SOAT1: variants seen among roughly 807,000 people sequenced by gnomAD.
SOAT1 encodes sterol O-acyltransferase 1.
SOAT1 carries 55 observed loss-of-function variants against 69.5 expected under a neutral mutation model. The observed-to-expected ratio is 0.79, with a 90% CI of 0.64 to 0.99. The LOEUF (loss-of-function observed/expected upper bound fraction) is 0.99. Among genes scored for constraint, SOAT1 ranks in the 50% least tolerant of loss-of-function variants. The probability of loss-of-function intolerance (pLI) is 0.00; values close to 1 mark genes in which losing one functional copy is unlikely to be tolerated. For missense variants in SOAT1, 580 were observed against 669.3 expected (o/e 0.87, Z 1.47); for synonymous variants, 231 against 224.7 (o/e 1.03, Z -0.25).
intron 3 of SOAT1, among the ~76,000 whole-genome samples, chr1:179,331,786 G>T (rs893831102): frequency 2.6e-5 from 4 of 152,250 alleles, no homozygotes; most frequent in Admixed American, 6.5e-5. Flanking sequence ...TCAATTTAGT[G>T]TAAGTCCTAA....
rs555691278 is a variant in SOAT1, at chr1:179,344,175, G to A, written c.987+540G>A. ...TAATTCTAATTGGTTATTTCAGTAA[G>A]CATTAATTTCCCCCTTCCTTCCTGT... On this transcript the variant is annotated intron_variant, in intron 10 of 15. Transcript: ENST00000367619. Among the ~76,000 whole-genome samples, 5 of 151,958 alleles carry A rather than the reference G, an allele frequency of 3.3e-5. No homozygotes were observed. The South Asian group carries it at 1.0e-3, about 32-fold the overall frequency.
intron 1 of SOAT1, among the ~76,000 whole-genome samples, chr1:179,300,111 G>C (rs897091199): frequency 6.6e-6 from 1 of 151,340 alleles, no homozygotes; most frequent in Non-Finnish European, 1.5e-5. Flanking sequence ...CTCTTTAAAA[G>C]AGTATCTACT....
At chr1:179,323,557 A>G in intron 3 of SOAT1, 62 bp downstream of exon 3, 1 of 1,361,932 alleles carries the variant, frequency 7.3e-7, no homozygotes, top group Non-Finnish European at 1.0e-6. Context: ...TTGTTTGGTA[A>G]CATTTTTAAT....
In SOAT1 at chr1:179,358,181, G is replaced by T. The variant is rs924619354; in HGVS notation, c.*4540G>T. The T allele has an allele frequency of 6.6e-6, 1 of 152,226 alleles. No homozygotes were observed. The highest frequency in any genetic ancestry group is 1.5e-5 in the Non-Finnish European group (1 of 68,010). 9.4% of individuals were successfully genotyped at this position (152,226 alleles called of 1,614,324 possible). A position where few individuals can be genotyped will look rare whatever the true frequency, so the allele number is the denominator to read the frequency against. On this transcript the variant is annotated 3_prime_UTR_variant, in exon 16 of 16. Transcript: ENST00000367619. ...TAGCTAATTTGGACTTCAGAAAATG[G>T]GTTAATTTCACGAGTGCATATCACT... is the stretch of plus-strand genomic sequence containing the variant.
chr1:179,345,403 A>C (rs1666493606), intron 11 of SOAT1, among the ~76,000 whole-genome samples: 1 of 152,162 alleles, frequency 6.6e-6, no homozygotes, highest in African/African-American at 2.4e-5. Flanking sequence ...CCTTGTTGAA[A>C]TTACTAGTAA....
chr1:179,320,782 C>G (rs1265026517), intron 2 of SOAT1, among the ~76,000 whole-genome samples: 1 of 152,088 alleles, frequency 6.6e-6, no homozygotes, highest in Non-Finnish European at 1.5e-5. Context: ...GTTGCTCAAG[C>G]TGGAGTGCAG....
Position 179,348,907 on chromosome 1 carries a change from T to TAGCC in SOAT1, c.1279_1280insAGCC (p.Trp427Ter). The stretch of plus-strand genomic sequence containing the variant: ...AACCTGGAATGTGGTGGTCCATGAC[T>TAGCC]GGCTATATTACTATGCTTACAAGGA... On this transcript the variant is annotated stop_gained and frameshift_variant, in exon 13 of 16. Coordinates refer to ENST00000367619, the MANE Select transcript of SOAT1 (RefSeq NM_003101.6). LOFTEE classifies it high-confidence loss of function. The TAGCC allele has an allele frequency of 6.2e-7, 1 of 1,609,562 alleles. No individual in the cohort carries two copies. Among genetic ancestry groups the TAGCC allele is most frequent in the African/African-American group, 1.3e-5 (1 of 74,880 alleles).
chr1:179,321,337 TA>T (rs1181713570), intron 2 of SOAT1, among the ~76,000 whole-genome samples: 4 of 152,148 alleles, frequency 2.6e-5, no homozygotes, highest in Admixed American at 2.6e-4. Flanking sequence ...ATTGTATTTT[TA>T]AAAACATTTA....
At chr1:179,298,877 T>G in intron 1 of SOAT1, among the ~76,000 whole-genome samples, 1 of 152,316 alleles carries the variant, frequency 6.6e-6, no homozygotes, top group African/African-American at 2.4e-5. Context: ...AATTTTAAAT[T>G]GAACCATCAT....
At chr1:179,344,840 G>T in intron 10 of SOAT1, 107 bp from the exon 11 acceptor site, 1 of 1,025,238 alleles carries the variant, frequency 9.8e-7, no homozygotes, top group South Asian at 1.4e-5. Flanking sequence ...ATACATATGC[G>T]AACATTACTG....
At chr1:179,298,339 C>T (rs2484443) in intron 1 of SOAT1, among the ~76,000 whole-genome samples, 41,746 of 151,976 alleles carry the variant, frequency 0.27, 6,075 homozygotes, top group African/African-American at 0.36. Flanking sequence ...CTGCCCACCT[C>T]GGCCTCCCAA....
At chr1:179,314,239 C>T (rs1558041462) in intron 2 of SOAT1, among the ~76,000 whole-genome samples, 2 of 152,210 alleles carry the variant, frequency 1.3e-5, no homozygotes, top group East Asian at 3.9e-4. Context: ...TCCTGAGATC[C>T]TGAAGGGAGG....
At position 179,302,806 on chromosome 1, in the gene SOAT1, A is replaced by T. The variant is rs774426842; in HGVS notation, c.118+4A>T. 3 of 1,534,550 alleles carry T rather than the reference A, an allele frequency of 2.0e-6. No homozygotes were observed. The South Asian group carries it at 3.7e-5, about 19-fold the overall frequency. Reference sequence around the variant, plus strand: ...TCCCTAGAGACACCTAGTAATGGTGAGGCTTAATTTTTTTTTTTTAGGTGA... The same window carrying T: ...TCCCTAGAGACACCTAGTAATGGTGTGGCTTAATTTTTTTTTTTTAGGTGA... On this transcript the variant is annotated splice_donor_region_variant and intron_variant, in intron 2 of 15. Transcript: ENST00000367619.
intron 2 of SOAT1, among the ~76,000 whole-genome samples, chr1:179,307,194 A>G (rs1571407934): frequency 6.6e-6 from 1 of 152,316 alleles, no homozygotes; most frequent in East Asian, 1.9e-4. Flanking sequence ...TGCCACTTGT[A>G]ATCCTCATCA....
chr1:179,318,665 G>C (rs1665482155), intron 2 of SOAT1, among the ~76,000 whole-genome samples: 1 of 152,102 alleles, frequency 6.6e-6, no homozygotes, highest in Non-Finnish European at 1.5e-5. Context: ...CGTTTTGTCT[G>C]TCTCAGTAGT....
rs114016051 is a variant in SOAT1 at position 179,300,440 on chromosome 1, C to T, written c.-8-2237C>T. On this transcript the variant is annotated intron_variant, in intron 1 of 15. Coordinates refer to ENST00000367619, the MANE Select transcript of SOAT1 (RefSeq NM_003101.6). Reference sequence around the variant, plus strand: ...TTAGCCCTGACTTTTCCCTTAAGTTCCTCTTAATTAGATCTTATGATATCA... The same window carrying T: ...TTAGCCCTGACTTTTCCCTTAAGTTTCTCTTAATTAGATCTTATGATATCA... Among the ~76,000 whole-genome samples, 269 of 152,260 alleles carry T rather than the reference C, an allele frequency of 1.8e-3. 1 individual carries two copies. The highest frequency in any genetic ancestry group is 5.8e-3 in the African/African-American group (240 of 41,550).
intron 5 of SOAT1, 133 bp from the exon 6 acceptor site, chr1:179,339,305 T>A: frequency 2.0e-6 from 1 of 504,910 alleles, no homozygotes; most frequent in Non-Finnish European, 3.4e-6. Context: ...ACCATTCTTT[T>A]TTGAGATGTT....
chr1:179,349,329 CTTTT>C (rs10670085), intron 13 of SOAT1, among the ~76,000 whole-genome samples: 2 of 125,892 alleles, frequency 1.6e-5, no homozygotes, highest in African/African-American at 6.3e-5. Context: ...TAGAGAAACA[CTTTT>C]TTTTTTTTTT....
Position 179,293,828 on chromosome 1 carries a change from T to C in SOAT1, c.-117T>C, listed in dbSNP as rs1478611115. On this transcript the variant is annotated 5_prime_UTR_variant, in exon 1 of 16. Coordinates refer to ENST00000367619, the MANE Select transcript of SOAT1 (RefSeq NM_003101.6). ...GCTTAGCAGGCGACGTTGCGGGCCCTGGGCGCCAGGAGAGCTTCCCGGAGT... is the reference window on the plus strand; with the variant it reads ...GCTTAGCAGGCGACGTTGCGGGCCCCGGGCGCCAGGAGAGCTTCCCGGAGT... 1 of 152,514 alleles carries C rather than the reference T, an allele frequency of 6.6e-6. No individual in the cohort carries two copies. Among genetic ancestry groups the C allele is most frequent in the East Asian group, 1.9e-4 (1 of 5,176 alleles). 9.4% of individuals were successfully genotyped at this position (152,514 alleles called of 1,614,324 possible).
Sources: allele counts gnomAD v4.1 joint callset (sites outside exome capture counted in the v4.1 genomes callset), GRCh38; gene constraint gnomAD v4.1.1; transcripts MANE v1.5; gene names NCBI Gene and HGNC (gene_info 2026-07-23, HGNC 2026-07-21).